The following MIER2 variants were observed in gnomAD, a reference collection of about 807,000 sequenced individuals.
The protein encoded by MIER2 is MIER family member 2.
Under a neutral mutation model 67.6 loss-of-function variants are expected in MIER2, and 30 were observed. The observed-to-expected ratio is 0.44, with a 90% CI of 0.33 to 0.60. MIER2 has a LOEUF of 0.60. MIER2 is among the 20% of genes least tolerant of loss of function. The pLI is 0.02. For synonymous variants in MIER2, 372 were observed against 312.6 expected (o/e 1.19, Z -2.00); for missense variants, 702 against 745.1 (o/e 0.94, Z 0.67).
intron 3 of MIER2, 126 bp from the exon 4 acceptor site, chr19:328,115 C>T (rs931953673): frequency 1.2e-5 from 15 of 1,269,502 alleles, no homozygotes; most frequent in Admixed American, 2.8e-5. Flanking sequence ...AGCAACTCCC[C>T]ACATGGCAGC....
At chr19:334,251 A>G in intron 3 of MIER2, 149 bp downstream of exon 3, 1 of 1,167,932 alleles carries the variant, frequency 8.6e-7, no homozygotes, top group Non-Finnish European at 1.2e-6. Context: ...TCTCCACTGA[A>G]TTTCAGCTAC....
intron 1 of MIER2, among the ~76,000 whole-genome samples, chr19:339,677 C>T (rs80092625): frequency 0.017 from 2,639 of 152,308 alleles, 100 homozygotes; most frequent in Admixed American, 0.11. Context: ...CACATGGACG[C>T]ACCTCGAAAG....
chr19:335,487 C>A (rs931145572), intron 2 of MIER2, among the ~76,000 whole-genome samples: 1 of 152,222 alleles, frequency 6.6e-6, no homozygotes, highest in African/African-American at 2.4e-5. Flanking sequence ...AGGGATGGCA[C>A]CGCCTTCTCT....
At chr19:313,399 G>A (rs906361829) in intron 8 of MIER2, 93 bp downstream of exon 8, 1 of 1,536,498 alleles carries the variant, frequency 6.5e-7, no homozygotes, top group Non-Finnish European at 8.7e-7. Flanking sequence ...CCTCCCCTCT[G>A]CCCTCCCTGG....
chr19:330,238 G>C (rs970633700), intron 3 of MIER2: 2 of 152,010 alleles, frequency 1.3e-5, no homozygotes, highest in African/African-American at 2.4e-5. Flanking sequence ...TGAACTTGCC[G>C]AATTTCTAAT....
chr19:315,979 G>A (rs950125081), intron 7 of MIER2, among the ~76,000 whole-genome samples: 1 of 152,228 alleles, frequency 6.6e-6, no homozygotes, highest in African/African-American at 2.4e-5. Context: ...AGAAGAAAGA[G>A]TAAGACCGTC....
At chr19:342,619 G>C (rs929579374) in intron 1 of MIER2, among the ~76,000 whole-genome samples, 1 of 148,606 alleles carries the variant, frequency 6.7e-6, no homozygotes, top group Non-Finnish European at 1.5e-5. Flanking sequence ...TAGTATGCCT[G>C]AGAAAAGTAT....
In MIER2 at chr19:308,806, T is replaced by C. The variant is rs1970788673; in HGVS notation, c.1104A>G (p.Gly368=). The change falls in exon 11 of 14, where the codon GGA becomes GGG. Residue 368 remains glycine (G), a synonymous_variant. Transcript: ENST00000264819. The surrounding 1 kb of genome is among the most constrained non-coding windows in gnomAD (Gnocchi z 9.1). ...RLGRRKYVPS[G]TTDADQDLDG... Reference sequence around the variant, plus strand: ...CTGGGGAGGGCTGCACGCACGTGGTTCCGGACGGGACGTACTTCCTCCGGC... The same window carrying C: ...CTGGGGAGGGCTGCACGCACGTGGTCCCGGACGGGACGTACTTCCTCCGGC... 6.2e-7 allele frequency: 1 copy of C among 1,604,318 alleles called. No individual in the cohort carries two copies.
rs1970648512 is a variant in MIER2, at chr19:306,361, T to TA, written c.*328dup. ...CTCGCCTCTGCTGGCTGGAAGGGAC[T>TA]AGGTGGCCGGCTCTGCCCTGCGTCC... On this transcript the variant is annotated 3_prime_UTR_variant, in exon 14 of 14. Coordinates refer to ENST00000264819, the MANE Select transcript of MIER2 (RefSeq NM_017550.3). 3.6e-5 allele frequency: 17 copies of TA among 466,642 alleles called. No individual in the cohort carries two copies. The South Asian group carries it at 5.2e-4, about 14-fold the overall frequency. The allele number at this position is 466,642 out of a possible 1,614,324, so 28.9% of individuals were successfully genotyped here.
chr19:340,430 G>A (rs1473888369), intron 1 of MIER2: 1 of 152,180 alleles, frequency 6.6e-6, no homozygotes, highest in East Asian at 1.9e-4. Context: ...TTTATATATT[G>A]TATTATGTAC....
chr19:327,504 CTCTT>C (rs938129555), intron 4 of MIER2, among the ~76,000 whole-genome samples: 5 of 152,244 alleles, frequency 3.3e-5, no homozygotes, highest in African/African-American at 9.6e-5. Flanking sequence ...GAGTGCATGG[CTCTT>C]TCTCTGACTG....
chr19:340,539 C>T (rs1277065084), intron 1 of MIER2: 1 of 152,058 alleles, frequency 6.6e-6, no homozygotes, highest in Non-Finnish European at 1.5e-5. Context: ...AGTGGATCAT[C>T]CTAAAGGTCT....
At chr19:317,563 T>TAAAA (rs1344440806) in intron 7 of MIER2, among the ~76,000 whole-genome samples, 5 of 145,534 alleles carry the variant, frequency 3.4e-5, no homozygotes, top group African/African-American at 1.0e-4. Flanking sequence ...AATAAATAAA[T>TAAAA]AAAATAAAAA....
chr19:317,298 C>T lies in MIER2; in HGVS notation c.656-3655G>A, dbSNP rs570650959. ...ATCCCAGCACTTTGGGAGGCTGAGG[C>T]GGGCGGATCACGAGGTCAGGAGATC... On this transcript the variant is annotated intron_variant, in intron 7 of 13. Transcript: ENST00000264819. Among the ~76,000 whole-genome samples the T allele has an allele frequency of 1.2e-3, 187 of 150,702 alleles. 1 individual carries two copies. Among genetic ancestry groups the T allele is most frequent in the Admixed American group, 3.4e-3 (51 of 15,152 alleles).
chr19:310,947 CA>C (rs1304766832), intron 10 of MIER2, among the ~76,000 whole-genome samples: 1 of 152,226 alleles, frequency 6.6e-6, no homozygotes, highest in African/African-American at 2.4e-5. Context: ...CCGCTGTCTC[CA>C]ATCAAAACAC....
Position 311,953 on chromosome 19 carries a change from C to A in MIER2, c.890-14G>T, listed in dbSNP as rs775027117. ...CACAGAGCCCATCTGCAAACACGGC[C>A]GGGGAGAACGGTCAGTGGTGCCCAG... On this transcript the variant is annotated splice_polypyrimidine_tract_variant and intron_variant, in intron 9 of 13. Transcript: ENST00000264819. 9 of 1,612,558 alleles carry A rather than the reference C, an allele frequency of 5.6e-6. No individual in the cohort carries two copies. The highest frequency in any genetic ancestry group is 6.8e-6 in the Non-Finnish European group (8 of 1,178,936).
intron 3 of MIER2, among the ~76,000 whole-genome samples, chr19:332,014 A>G (rs1232483683): frequency 6.6e-6 from 1 of 152,172 alleles, no homozygotes; most frequent in Non-Finnish European, 1.5e-5. Flanking sequence ...GGATTTTCAT[A>G]TTTGCTTCTA....
intron 3 of MIER2, 48 bp from the exon 4 acceptor site, chr19:328,037 G>A (rs904157441): frequency 1.6e-5 from 26 of 1,604,992 alleles, no homozygotes; most frequent in Non-Finnish European, 2.1e-5. Context: ...ACGGCTCTGG[G>A]GGTTCCTGTC....
intron 7 of MIER2, among the ~76,000 whole-genome samples, chr19:322,488 A>G (rs1260931314): frequency 1.3e-5 from 2 of 152,190 alleles, no homozygotes; most frequent in Admixed American, 6.5e-5. Context: ...ACAAAATGTG[A>G]ATGACTACAA....
Sources: gnomAD v4.1 joint callset for allele counts (sites outside exome capture counted in the v4.1 genomes callset) on GRCh38, gnomAD v4.1.1 for gene constraint, Gnocchi (gnomAD v3.1) non-coding constraint, MANE v1.5 for transcripts, NCBI Gene and HGNC (gene_info 2026-07-23, HGNC 2026-07-21) for gene names.